The following KANK4 variants were observed in gnomAD, a reference collection of about 807,000 sequenced individuals.
The protein encoded by KANK4 is KN motif and ankyrin repeat domains 4, also known as KN motif and ankyrin repeat domain-containing protein 4.
Under a neutral mutation model 80.8 loss-of-function variants are expected in KANK4, and 50 were observed. The ratio of observed to expected loss-of-function variants is 0.62; its 90% confidence interval spans 0.49 to 0.78. KANK4 has a LOEUF of 0.78. Ranked by LOEUF, KANK4 falls within the 30% of genes least tolerant of loss-of-function variation. The probability of loss-of-function intolerance (pLI) is 0.00; values close to 1 mark genes in which losing one functional copy is unlikely to be tolerated. For synonymous variants in KANK4, 465 were observed against 506.9 expected (o/e 0.92, Z 1.11); for missense variants, 1,196 against 1,240.1 (o/e 0.96, Z 0.53).
chr1:62,282,988 A>C (rs982635750), intron 1 of KANK4, among the ~76,000 whole-genome samples: 2 of 152,198 alleles, frequency 1.3e-5, no homozygotes, highest in Non-Finnish European at 2.9e-5. Flanking sequence ...GTGGCCGCCA[A>C]GGAGGCAGAC....
intron 7 of KANK4, 57 bp from the exon 8 acceptor site, chr1:62,253,266 C>T (rs1239748275): frequency 6.5e-7 from 1 of 1,535,818 alleles, no homozygotes; most frequent in East Asian, 2.3e-5. Context: ...AGCCAGACTC[C>T]ACTTTAGCCG....
At chr1:62,297,823 G>A (rs1644379293) in intron 1 of KANK4, among the ~76,000 whole-genome samples, 1 of 152,302 alleles carries the variant, frequency 6.6e-6, no homozygotes, top group Non-Finnish European at 1.5e-5. Context: ...GTCTTGAGGT[G>A]TTTAATTGCT....
rs1201215484 is a variant in KANK4, at chr1:62,275,066, C to A, written c.38G>T (p.Gly13Val). ...CTTCGGAGGGTCTTTCTCTTCATCC[C>A]CCTGAGAGGACTGGTCTTTGGCTGG... The part of the protein sequence containing the change: ...KTDAKDQSSQ[G>V]DEEKDPPKSH... The change falls in exon 3 of 10, where the codon GGG becomes GTG. Residue 13 changes from glycine to valine, a missense_variant. By Grantham distance (109) the Gly-to-Val change is moderately radical. This residue lies in a region of KANK4 where 36 missense variants were observed against 34.0 expected (regional missense o/e 1.06). Coordinates refer to ENST00000371153, the MANE Select transcript of KANK4 (RefSeq NM_181712.5). 1.9e-6 allele frequency: 3 copies of A among 1,609,558 alleles called. No individual in the cohort carries two copies. In the African/African-American group the frequency reaches 4.0e-5, roughly 22 times the overall value.
rs773792954 is a variant in KANK4, at chr1:62,273,807, C to T, written c.1297G>A (p.Glu433Lys). Residue 433 changes from glutamate to lysine, a missense_variant, in exon 3 of 10, where the codon GAA becomes AAA. Coordinates refer to ENST00000371153, the MANE Select transcript of KANK4 (RefSeq NM_181712.5). ...TCCATGCTGCCTAGAAGGTTGACTT[C>T]AATGCCCTTATCACACGACTCCCTG... The part of the protein sequence containing the change: ...LTRESCDKGI[E>K]VNLLGSMESE... 1 of 1,614,160 alleles carries T rather than the reference C, an allele frequency of 6.2e-7. No individual in the cohort carries two copies. Among genetic ancestry groups the T allele is most frequent in the Non-Finnish European group, 8.5e-7 (1 of 1,180,030 alleles).
chr1:62,240,133 A>G (rs1323955923), intron 9 of KANK4, among the ~76,000 whole-genome samples: 1 of 152,234 alleles, frequency 6.6e-6, no homozygotes, highest in African/African-American at 2.4e-5. Context: ...TCCCACCAAC[A>G]GTGTAAAAGT....
At chr1:62,307,204 C>A (rs979744983) in intron 1 of KANK4, among the ~76,000 whole-genome samples, 3 of 152,092 alleles carry the variant, frequency 2.0e-5, no homozygotes, top group African/African-American at 4.8e-5. Flanking sequence ...CCTGAGGAGT[C>A]CGGTGCGGTG....
intron 1 of KANK4, among the ~76,000 whole-genome samples, chr1:62,294,523 C>A (rs910423031): frequency 5.3e-5 from 8 of 152,212 alleles, no homozygotes; most frequent in African/African-American, 1.9e-4. Flanking sequence ...TTAGAGCTTG[C>A]GTGGGCTGTT....
At chr1:62,251,287 A>G (rs1011251890) in intron 8 of KANK4, among the ~76,000 whole-genome samples, 1 of 152,108 alleles carries the variant, frequency 6.6e-6, no homozygotes, top group Non-Finnish European at 1.5e-5. Flanking sequence ...TGTGGGTAAT[A>G]CACAGTCCTT....
chr1:62,275,148 G>T, intron 2 of KANK4, 61 bp from the exon 3 acceptor site: 1 of 1,265,480 alleles, frequency 7.9e-7, no homozygotes, highest in Non-Finnish European at 1.1e-6. Flanking sequence ...ATTACAGGGC[G>T]ATGAGGCCTA....
chr1:62,296,700 C>T (rs908581918), intron 1 of KANK4, among the ~76,000 whole-genome samples: 3 of 152,064 alleles, frequency 2.0e-5, no homozygotes, highest in Middle Eastern at 3.4e-3. Flanking sequence ...TACAGGTGCA[C>T]ACCACCATGC....
chr1:62,296,368 GC>G (rs1644363769), intron 1 of KANK4, among the ~76,000 whole-genome samples: 1 of 151,930 alleles, frequency 6.6e-6, no homozygotes, highest in Non-Finnish European at 1.5e-5. Flanking sequence ...CCTCTCTCTG[GC>G]CCCTTCATTG....
At chr1:62,278,591 C>T (rs1205349536) in intron 2 of KANK4, among the ~76,000 whole-genome samples, 2 of 151,292 alleles carry the variant, frequency 1.3e-5, no homozygotes, top group African/African-American at 4.9e-5. Flanking sequence ...AAGGGGGTTT[C>T]ACTATTTTGG....
At chr1:62,279,398 T>C (rs1672403471) in intron 2 of KANK4, among the ~76,000 whole-genome samples, 1 of 152,222 alleles carries the variant, frequency 6.6e-6, no homozygotes, top group Non-Finnish European at 1.5e-5. Flanking sequence ...TCATTCTACC[T>C]GGTGACAGGT....
At chr1:62,268,235 C>T (rs1672072235) in intron 5 of KANK4, 52 bp downstream of exon 5, 3 of 1,428,876 alleles carry the variant, frequency 2.1e-6, no homozygotes, top group African/African-American at 1.4e-5. Context: ...AGATATATGC[C>T]CTTGACCTTT....
rs568813981 is a variant in KANK4, at chr1:62,260,086, C to T, written c.2539+3006G>A. ...GGCCATCTGAGGCCAGTGGCCTCCA[C>T]CTCCCTGCTCTCCTCAACATCTCTC... is the stretch of plus-strand genomic sequence containing the variant. On this transcript the variant is annotated intron_variant, in intron 7 of 9. Transcript: ENST00000371153. Among the ~76,000 whole-genome samples, 95 of 151,232 alleles carry T rather than the reference C, an allele frequency of 6.3e-4. 1 individual carries two copies. Among genetic ancestry groups the T allele is most frequent in the Middle Eastern group, 3.4e-3 (1 of 294 alleles).
At chr1:62,317,111 T>C (rs1029701996) in intron 1 of KANK4, among the ~76,000 whole-genome samples, 7 of 152,110 alleles carry the variant, frequency 4.6e-5, no homozygotes, top group African/African-American at 1.7e-4. Flanking sequence ...AAGGTGCTCA[T>C]TGCAAGGGGC....
intron 5 of KANK4, among the ~76,000 whole-genome samples, chr1:62,267,801 C>A (rs866944165): frequency 1.2e-3 from 146 of 126,460 alleles, no homozygotes; most frequent in Non-Finnish European, 1.1e-3. Context: ...GACTCCGTCT[C>A]AAAAAAAAAA....
chr1:62,299,067 A>T (rs1000610825), intron 1 of KANK4, among the ~76,000 whole-genome samples: 1 of 150,566 alleles, frequency 6.6e-6, no homozygotes, highest in Non-Finnish European at 1.5e-5. Flanking sequence ...TTTTTTTTTT[A>T]AGACAGTGTT....
Position 62,271,560 on chromosome 1 carries a change from T to G in KANK4, c.1930A>C (p.Ile644Leu). 2.5e-6 allele frequency: 4 copies of G among 1,613,990 alleles called. No individual in the cohort carries two copies. The highest frequency in any genetic ancestry group is 3.4e-6 in the Non-Finnish European group (4 of 1,179,866). ...EISPSTSLKS[I>L]MKKKDYGFRA... ...AAGCCATAGTCTTTCTTTTTCATTATGGATTTAAGGCTGGTCGATGGGGAG... is the reference window on the plus strand; with the variant it reads ...AAGCCATAGTCTTTCTTTTTCATTAGGGATTTAAGGCTGGTCGATGGGGAG... Residue 644 changes from isoleucine (I) to leucine (L), a missense_variant, in exon 4 of 10, where the codon ATA (isoleucine) becomes CTA (leucine). Coordinates refer to ENST00000371153, the MANE Select transcript of KANK4 (RefSeq NM_181712.5).
Sources: gnomAD v4.1 joint callset for allele counts (sites outside exome capture counted in the v4.1 genomes callset) on GRCh38, gnomAD v4.1.1 for gene constraint, gnomAD v4.1.1 regional missense constraint, MANE v1.5 for transcripts, NCBI Gene and HGNC (gene_info 2026-07-23, HGNC 2026-07-21) for gene names.